The following PMS1 variants were observed in gnomAD, a reference collection of about 807,000 sequenced individuals.
The protein encoded by PMS1 is PMS1 protein homolog 1.
In PMS1, 79 loss-of-function variants were observed where a neutral mutation model predicts 93.1. That is an observed-to-expected ratio of 0.85 (90% CI 0.71 to 1.02). The LOEUF (loss-of-function observed/expected upper bound fraction) is 1.02, where lower values mean the gene tolerates loss of function less well. PMS1 is among the 50% of genes least tolerant of loss of function. PMS1 has a pLI of 0.00. For missense variants in PMS1, 1,064 were observed against 1,085.3 expected, an observed-to-expected ratio of 0.98 and a Z score of 0.28; for synonymous variants, 335 against 363.4, an observed-to-expected ratio of 0.92 and a Z score of 0.89.
At position 189,791,906 on chromosome 2, in the gene PMS1, T is replaced by G. The variant is rs1385709157; in HGVS notation, c.97T>G (p.Leu33Val). 1.2e-6 allele frequency: 2 copies of G among 1,614,062 alleles called. No homozygotes were observed. Among genetic ancestry groups the G allele is most frequent in the Non-Finnish European group, 8.5e-7 (1 of 1,179,912 alleles). The change falls in exon 2 of 13, where the codon TTG becomes GTG. Residue 33 changes from leucine (L) to valine (V), a missense_variant. Transcript: ENST00000441310. The stretch of plus-strand genomic sequence containing the variant: ...TGTAAAAGAGCTTATTGAAAACTCC[T>G]TGGATGCTGGTGCCACAAGCGTAGA... Reference protein sequence around the residue: ...SVVKELIENSLDAGATSVDVK... With the variant: ...SVVKELIENSVDAGATSVDVK...
chr2:189,872,310 T>C (rs1380586123), intron 11 of PMS1, among the ~76,000 whole-genome samples: 1 of 152,194 alleles, frequency 6.6e-6, no homozygotes, highest in African/African-American at 2.4e-5. Flanking sequence ...TAGTCTGTAA[T>C]TGGGAACAGG....
intron 11 of PMS1, among the ~76,000 whole-genome samples, chr2:189,869,330 T>C (rs765667145): frequency 1.3e-5 from 2 of 152,234 alleles, no homozygotes; most frequent in Non-Finnish European, 2.9e-5. Flanking sequence ...TAGCCCCCTT[T>C]AGCAGGCTTG....
chr2:189,807,606 T>G (rs912781496), intron 4 of PMS1, among the ~76,000 whole-genome samples: 1 of 152,254 alleles, frequency 6.6e-6, no homozygotes, highest in African/African-American at 2.4e-5. Flanking sequence ...TCACTCATAC[T>G]TCTCATGCTT....
At chr2:189,798,133 G>C (rs1199739017) in intron 3 of PMS1, among the ~76,000 whole-genome samples, 1 of 152,172 alleles carries the variant, frequency 6.6e-6, no homozygotes, top group East Asian at 1.9e-4. Flanking sequence ...GGCTGACTGG[G>C]AGCTGTGGGT....
rs753745201 is a variant in PMS1 at position 189,795,904 on chromosome 2, T to TAG, written c.269_270insGA (p.Tyr90Ter). The TAG allele has an allele frequency of 6.2e-7, 1 of 1,613,590 alleles. No individual in the cohort carries two copies. Among genetic ancestry groups the TAG allele is most frequent in the Admixed American group, 1.7e-5 (1 of 60,022 alleles). ...SHEDLENLTTYGFRGEALGSI... is the reference protein window; with the variant it reads ...SHEDLENLTT ...TGAAGATCTTGAAAATTTGACAACT[T>TAG]ACGGTTTTCGTGGAGAAGCCTTGGG... Residue 90 changes from tyrosine to a stop codon, truncating the protein, a stop_gained and frameshift_variant, in exon 3 of 13, where the codon TAC (tyrosine) becomes TAGAC (stop). Transcript: ENST00000441310. LOFTEE classifies it high-confidence loss of function.
rs2106233250 is a variant in PMS1 at position 189,795,824 on chromosome 2, C to T, written c.188C>T (p.Ala63Val). 1.2e-6 allele frequency: 2 copies of T among 1,613,042 alleles called. No individual in the cohort carries two copies. Among genetic ancestry groups the T allele is most frequent in the Non-Finnish European group, 1.7e-6 (2 of 1,179,020 alleles). The change falls in exon 3 of 13, where the codon GCT becomes GTT. Residue 63 changes from alanine to valine, a missense_variant. By Grantham distance (64) the Ala-to-Val change is moderately conservative. Transcript: ENST00000441310. The part of the protein sequence containing the change: ...EVRDNGEGIK[A>V]VDAPVMAMKY... Reference sequence around the variant, plus strand: ...CGAGATAACGGGGAGGGTATCAAGGCTGTTGATGCACCTGTAATGGCAATG... The same window carrying T: ...CGAGATAACGGGGAGGGTATCAAGGTTGTTGATGCACCTGTAATGGCAATG...
intron 1 of PMS1, among the ~76,000 whole-genome samples, chr2:189,789,502 TA>T (rs2048654099): frequency 6.6e-6 from 1 of 152,194 alleles, no homozygotes; most frequent in South Asian, 2.1e-4. Context: ...ATACTGTATT[TA>T]TGAACTGTGA....
chr2:189,833,453 G>T (rs190862089), intron 5 of PMS1, among the ~76,000 whole-genome samples: 11 of 152,156 alleles, frequency 7.2e-5, no homozygotes, highest in Non-Finnish European at 1.6e-4. Context: ...ATGGTGGCAC[G>T]CGCCTGTAGT....
At position 189,810,269 on chromosome 2, in the gene PMS1, T is replaced by A. The variant is rs3791771; in HGVS notation, c.418+4515T>A. ...AGATTTTCAAGAGACCATTGCTATC[T>A]GCGTAGCAATGAGGGGAAAAAACAT... On this transcript the variant is annotated intron_variant, in intron 4 of 12. Transcript: ENST00000441310. Among the ~76,000 whole-genome samples the A allele has an allele frequency of 4.6e-5, 7 of 152,328 alleles. No homozygotes were observed. In the East Asian group the frequency reaches 1.2e-3, roughly 25 times the overall value.
intron 5 of PMS1, among the ~76,000 whole-genome samples, chr2:189,835,252 A>G (rs2053284153): frequency 6.6e-6 from 1 of 152,232 alleles, no homozygotes; most frequent in Non-Finnish European, 1.5e-5. Context: ...TTTAGAACTC[A>G]TTTATACTGC....
At chr2:189,874,839 T>C (rs969313829) in intron 12 of PMS1, among the ~76,000 whole-genome samples, 3 of 152,196 alleles carry the variant, frequency 2.0e-5, no homozygotes, top group Admixed American at 2.0e-4. Flanking sequence ...GAATATTTTC[T>C]TGTGAAAGAG....
chr2:189,785,996 G>C (rs1029972999), intron 1 of PMS1, among the ~76,000 whole-genome samples: 5 of 152,238 alleles, frequency 3.3e-5, no homozygotes, highest in African/African-American at 1.2e-4. Flanking sequence ...GTGGTAGTGC[G>C]CTCCTGTAAT....
intron 5 of PMS1, among the ~76,000 whole-genome samples, chr2:189,834,877 A>G (rs923103068): frequency 9.2e-5 from 14 of 152,104 alleles, no homozygotes; most frequent in Non-Finnish European, 1.6e-4. Context: ...ACACAGGTGC[A>G]TGCCACCATA....
intron 9 of PMS1, among the ~76,000 whole-genome samples, chr2:189,856,358 A>T (rs1225178884): frequency 6.6e-6 from 1 of 152,056 alleles, no homozygotes; most frequent in African/African-American, 2.4e-5. Context: ...TAGGCATATC[A>T]TCTATTTCAG....
At chr2:189,824,325 G>A (rs1287440336) in intron 5 of PMS1, among the ~76,000 whole-genome samples, 2 of 151,994 alleles carry the variant, frequency 1.3e-5, no homozygotes, top group East Asian at 3.8e-4. Context: ...ATAAAATGTT[G>A]ATGGAAGCTT....
At chr2:189,863,408 C>T (rs1017957387) in intron 9 of PMS1, among the ~76,000 whole-genome samples, 1 of 152,082 alleles carries the variant, frequency 6.6e-6, no homozygotes, top group African/African-American at 2.4e-5. Flanking sequence ...TGCACACCAA[C>T]ATGCCTGGCT....
chr2:189,876,489 T>G (rs1455505019), intron 12 of PMS1, among the ~76,000 whole-genome samples: 2 of 152,188 alleles, frequency 1.3e-5, no homozygotes, highest in African/African-American at 4.8e-5. Context: ...TAATTTCCTT[T>G]TCTTGTTCCT....
chr2:189,785,484 TA>T (rs1239892701), intron 1 of PMS1: 1 of 152,228 alleles, frequency 6.6e-6, no homozygotes, highest in Non-Finnish European at 1.5e-5. Context: ...AAGCCCGATA[TA>T]AACCCTTCCA....
chr2:189,869,364 A>G (rs187695845), intron 11 of PMS1, among the ~76,000 whole-genome samples: 45 of 152,308 alleles, frequency 3.0e-4, no homozygotes, highest in Non-Finnish European at 4.9e-4. Context: ...TAGTCTTCCT[A>G]GAAATATTTC....
Sources: allele counts gnomAD v4.1 joint callset (sites outside exome capture counted in the v4.1 genomes callset), GRCh38; gene constraint gnomAD v4.1.1; transcripts MANE v1.5; gene names NCBI Gene and HGNC (gene_info 2026-07-23, HGNC 2026-07-21).